The following DOCK4 variants were observed in gnomAD, a reference collection of about 807,000 sequenced individuals.
DOCK4 encodes the protein dedicator of cytokinesis 4, also known as dedicator of cytokinesis protein 4.
Under a neutral mutation model 268.1 loss-of-function variants are expected in DOCK4, and 97 were observed. The ratio of observed to expected loss-of-function variants is 0.36; its 90% CI spans 0.31 to 0.43. The LOEUF is 0.43. Ranked by LOEUF, DOCK4 falls within the 20% of genes least tolerant of loss-of-function variation. DOCK4 has a pLI of 1.00. For synonymous variants in DOCK4, 954 were observed against 887.2 expected (o/e 1.08, Z -1.34); for missense variants, 2,145 against 2,455.7 (o/e 0.87, Z 2.67).
At chr7:112,089,515 C>A (rs1354154815) in intron 1 of DOCK4, among the ~76,000 whole-genome samples, 2 of 152,094 alleles carry the variant, frequency 1.3e-5, no homozygotes, top group African/African-American at 4.8e-5. Flanking sequence ...TAACTTATAT[C>A]CAGAAGTCCT....
intron 36 of DOCK4, among the ~76,000 whole-genome samples, chr7:111,770,637 A>G (rs941288807): frequency 6.6e-6 from 1 of 152,194 alleles, no homozygotes. Context: ...TGTCACTGAT[A>G]AAGGACTATA....
intron 22 of DOCK4, among the ~76,000 whole-genome samples, chr7:111,865,900 A>G (rs1055483466): frequency 6.6e-6 from 1 of 152,266 alleles, no homozygotes; most frequent in African/African-American, 2.4e-5. Context: ...AAGGAAATGC[A>G]GACATTAGTC....
At chr7:111,765,290 A>T in intron 38 of DOCK4, 68 bp from the exon 39 acceptor site, 1 of 945,080 alleles carries the variant, frequency 1.1e-6, no homozygotes, top group Non-Finnish European at 1.6e-6. Context: ...TTATAGAATA[A>T]GATTTCTTTT....
intron 36 of DOCK4, among the ~76,000 whole-genome samples, chr7:111,777,340 T>A (rs1209679740): frequency 6.6e-6 from 1 of 152,102 alleles, no homozygotes; most frequent in African/African-American, 2.4e-5. Flanking sequence ...TTAAAAGAAA[T>A]ACTAAAACAA....
At chr7:112,109,901 CGCCCG>C (rs1463361349) in intron 1 of DOCK4, among the ~76,000 whole-genome samples, 1 of 149,696 alleles carries the variant, frequency 6.7e-6, no homozygotes, top group Non-Finnish European at 1.5e-5. Context: ...CCCGCCATCA[CGCCCG>C]GCTAATTTTT....
intron 23 of DOCK4, among the ~76,000 whole-genome samples, chr7:111,854,652 G>C (rs777238415): frequency 1.3e-5 from 2 of 152,206 alleles, no homozygotes; most frequent in Non-Finnish European, 1.5e-5. Context: ...AAAGTGCTGG[G>C]ATTACAGGCG....
At position 111,868,098 on chromosome 7, in the gene DOCK4, G is replaced by A. The variant is rs1394361457; in HGVS notation, c.2166C>T (p.Ala722=). The stretch of plus-strand genomic sequence containing the variant: ...ACTCCTCTTCGTTTTGCCCACCAGT[G>A]GCAAGGGAAAACAGCCTTCGAGATT... ...IVQSRRLFSL[A]TGGQNEEEFR... is the part of the protein sequence containing the mutation. The change falls in exon 22 of 53, where the codon GCC becomes GCT. Residue 722 remains alanine (A), a synonymous_variant. Coordinates refer to ENST00000428084, the MANE Select transcript of DOCK4 (RefSeq NM_001363540.2). 3.1e-6 allele frequency: 5 copies of A among 1,613,174 alleles called. No homozygotes were observed. The highest frequency in any genetic ancestry group is 4.2e-6 in the Non-Finnish European group (5 of 1,179,606).
At chr7:111,784,554 GTCACTAAT>G in intron 32 of DOCK4, 1 of 441,112 alleles carries the variant, frequency 2.3e-6, no homozygotes, top group Non-Finnish European at 4.6e-6. Flanking sequence ...CATTCATTTT[GTCACTAAT>G]CACAGAGGAT....
chr7:111,977,364 G>A lies in DOCK4; in HGVS notation c.550-81C>T, dbSNP rs1798288417. The A allele has an allele frequency of 2.7e-6, 4 of 1,478,360 alleles. No homozygotes were observed. In the East Asian group the frequency reaches 9.9e-5, roughly 37 times the overall value. The allele number at this position is 1,478,360 out of a possible 1,614,324, so 91.6% of individuals were successfully genotyped here. A position where few individuals can be genotyped will look rare whatever the true frequency, so the allele number is the denominator to read the frequency against. On this transcript the variant is annotated intron_variant, in intron 7 of 52. Coordinates refer to ENST00000428084, the MANE Select transcript of DOCK4 (RefSeq NM_001363540.2). ...GACCCAACAAACTAGTTAGCTATGA[G>A]GTGACTGTGATGTCCTACGCCATAA...
In DOCK4 at chr7:111,901,804, A is replaced by G. The variant is rs78380304; in HGVS notation, c.1193-3T>C. 4.8e-3 allele frequency: 7,516 copies of G among 1,552,832 alleles called. 305 individuals are homozygous for G. In the African/African-American group the frequency reaches 0.086, roughly 18 times the overall value. ...ATATAAATCATTCCTCATTTCACCTATAAGGAAAGGAAAATTAAAACCATG... is the reference window on the plus strand; with the variant it reads ...ATATAAATCATTCCTCATTTCACCTGTAAGGAAAGGAAAATTAAAACCATG... On this transcript the variant is annotated splice_polypyrimidine_tract_variant and splice_region_variant and intron_variant, in intron 13 of 52. Coordinates refer to ENST00000428084, the MANE Select transcript of DOCK4 (RefSeq NM_001363540.2).
intron 1 of DOCK4, among the ~76,000 whole-genome samples, chr7:112,032,246 A>T (rs61399156): frequency 0.11 from 17,216 of 152,270 alleles, 3,191 homozygotes; most frequent in African/African-American, 0.39. Context: ...GAAGAGAATA[A>T]ACAAAAATAT....
Position 111,984,272 on chromosome 7 carries a change from AG to A in DOCK4, c.549+33del, listed in dbSNP as rs1798866109. Reference sequence around the variant, plus strand: ...GTGCCATGGAAACCAGAAAATTAGCAGGAAGACTGGAAGCCAAGATTTCCTG... The same window carrying A: ...GTGCCATGGAAACCAGAAAATTAGCAGAAGACTGGAAGCCAAGATTTCCTG... On this transcript the variant is annotated intron_variant, in intron 7 of 52. Transcript: ENST00000428084. 3 of 1,574,388 alleles carry A rather than the reference AG, an allele frequency of 1.9e-6. No homozygotes were observed. The East Asian group carries it at 6.8e-5, about 36-fold the overall frequency.
At chr7:111,865,478 C>A (rs1436002918) in intron 22 of DOCK4, among the ~76,000 whole-genome samples, 1 of 152,230 alleles carries the variant, frequency 6.6e-6, no homozygotes, top group Non-Finnish European at 1.5e-5. Flanking sequence ...AACCAGGTTT[C>A]TGCCTATAAG....
intron 15 of DOCK4, among the ~76,000 whole-genome samples, chr7:111,898,818 C>T (rs1391300790): frequency 6.6e-6 from 1 of 152,102 alleles, no homozygotes; most frequent in Non-Finnish European, 1.5e-5. Flanking sequence ...GGAATTTTTG[C>T]AGTACAGGGA....
In DOCK4 at chr7:111,976,154, A is replaced by AT. The variant is rs1489753030; in HGVS notation, c.701+977_701+978insA. On this transcript the variant is annotated intron_variant, in intron 8 of 52. Coordinates refer to ENST00000428084, the MANE Select transcript of DOCK4 (RefSeq NM_001363540.2). Reference sequence around the variant, plus strand: ...AGACTCCATCTCAAAAAAAAAAAAAAAAAAAAAATATATATATATATATAC... The same window carrying AT: ...AGACTCCATCTCAAAAAAAAAAAAAATAAAAAAAATATATATATATATATAC... 3.9e-3 allele frequency among the ~76,000 whole-genome samples: 350 copies of AT among 89,192 alleles called. 11 individuals are homozygous for AT. The highest frequency in any genetic ancestry group is 5.7e-3 in the African/African-American group (85 of 14,900). The allele number at this position is 89,192 out of a possible 152,430, so 58.5% of individuals were successfully genotyped here. A position where few individuals can be genotyped will look rare whatever the true frequency, so the allele number is the denominator to read the frequency against.
intron 1 of DOCK4, among the ~76,000 whole-genome samples, chr7:112,187,581 T>C (rs1227796586): frequency 1.3e-5 from 2 of 152,164 alleles, no homozygotes; most frequent in Non-Finnish European, 2.9e-5. Context: ...AAAAAAGAAA[T>C]GGCAAGCGAA....
chr7:112,112,269 C>T (rs1321612422), intron 1 of DOCK4, among the ~76,000 whole-genome samples: 3 of 152,116 alleles, frequency 2.0e-5, no homozygotes, highest in Non-Finnish European at 4.4e-5. Context: ...TCTTTTGCTC[C>T]CTCTCTCACC....
chr7:111,998,941 A>T (rs1272207305), intron 3 of DOCK4, among the ~76,000 whole-genome samples: 1 of 152,120 alleles, frequency 6.6e-6, no homozygotes, highest in Non-Finnish European at 1.5e-5. Context: ...CATACAAAAA[A>T]TATCACTGCA....
intron 1 of DOCK4, among the ~76,000 whole-genome samples, chr7:112,115,709 T>C (rs1289861494): frequency 1.3e-5 from 2 of 152,040 alleles, no homozygotes; most frequent in East Asian, 3.8e-4. Context: ...ATTAACAGAG[T>C]CTCACTTTTT....
Sources: allele counts gnomAD v4.1 joint callset (sites outside exome capture counted in the v4.1 genomes callset), GRCh38; gene constraint gnomAD v4.1.1; transcripts MANE v1.5; gene names NCBI Gene and HGNC (gene_info 2026-07-23, HGNC 2026-07-21).